Variants in KIT observed in about 807,000 individuals in gnomAD.
KIT encodes KIT proto-oncogene, receptor tyrosine kinase.
A neutral mutation model predicts 105.7 loss-of-function variants in KIT; 16 were observed. The observed-to-expected ratio is 0.15, with a 90% CI of 0.10 to 0.23. The LOEUF (loss-of-function observed/expected upper bound fraction) is 0.23, where lower values mean the gene tolerates loss of function less well. KIT is among the 10% of genes least tolerant of loss of function. The probability of loss-of-function intolerance (pLI) is 1.00; values close to 1 mark genes in which losing one functional copy is unlikely to be tolerated. For synonymous variants in KIT, 438 were observed against 441.1 expected (o/e 0.99, Z 0.09); for missense variants, 858 against 1,213.8 (o/e 0.71, Z 4.36).
intron 1 of KIT, among the ~76,000 whole-genome samples, chr4:54,665,028 A>G (rs1035334670): frequency 6.6e-6 from 1 of 152,040 alleles, no homozygotes; most frequent in South Asian, 2.1e-4. Context: ...TTCTATACCC[A>G]TTGAAGAGCA....
intron 1 of KIT, among the ~76,000 whole-genome samples, chr4:54,666,811 G>A (rs1014163514): frequency 2.0e-5 from 3 of 152,162 alleles, no homozygotes; most frequent in Admixed American, 2.0e-4. Flanking sequence ...TCACTGCCTT[G>A]GCTGTGGGGC....
In KIT at chr4:54,739,451, A is replaced by G. The variant is rs1326360391; in HGVS notation, c.*894A>G. ...CTTTTAGCTGATGAACTTATTCTGT[A>G]GATTCTGTGGAACAAGCCTATCAGC... is the stretch of plus-strand genomic sequence containing the variant. On this transcript the variant is annotated 3_prime_UTR_variant, in exon 21 of 21. Transcript: ENST00000288135. 2 of 233,364 alleles carry G rather than the reference A, an allele frequency of 8.6e-6. No homozygotes were observed. Among genetic ancestry groups the G allele is most frequent in the African/African-American group, 4.4e-5 (2 of 45,348 alleles). 14.5% of individuals were successfully genotyped at this position (233,364 alleles called of 1,614,324 possible).
intron 1 of KIT, among the ~76,000 whole-genome samples, chr4:54,675,809 T>C (rs887671224): frequency 1.3e-5 from 2 of 152,128 alleles, no homozygotes; most frequent in African/African-American, 4.8e-5. Context: ...ACTGGATTAG[T>C]ATGGGCTGTG....
In KIT at chr4:54,727,454, G is replaced by C. The variant is rs1553891764; in HGVS notation, c.1686G>C (p.Glu562Asp). ...MYEVQWKVVEEINGNNYVYID... is the reference protein window; with the variant it reads ...MYEVQWKVVEDINGNNYVYID... Reference sequence around the variant, plus strand: ...AAGTACAGTGGAAGGTTGTTGAGGAGATAAATGGAAACAATTATGTTTACA... The same window carrying C: ...AAGTACAGTGGAAGGTTGTTGAGGACATAAATGGAAACAATTATGTTTACA... Residue 562 changes from glutamate (E) to aspartate (D), a missense_variant, in exon 11 of 21, where the codon GAG (glutamate) becomes GAC (aspartate). Physicochemically the swap from Glu to Asp is conservative, Grantham distance 45. This residue lies in a region of KIT where 78 missense variants were observed against 77.6 expected (regional missense o/e 1.01). Coordinates refer to ENST00000288135, the MANE Select transcript of KIT (RefSeq NM_000222.3). 7 of 1,614,108 alleles carry C rather than the reference G, an allele frequency of 4.3e-6. No homozygotes were observed. The highest frequency in any genetic ancestry group is 5.9e-6 in the Non-Finnish European group (7 of 1,179,988).
intron 17 of KIT, among the ~76,000 whole-genome samples, chr4:54,734,644 T>C (rs1333890936): frequency 6.6e-6 from 1 of 152,146 alleles, no homozygotes; most frequent in Non-Finnish European, 1.5e-5. Context: ...GGAGAATTTC[T>C]GGAACAAGAT....
intron 7 of KIT, among the ~76,000 whole-genome samples, chr4:54,712,217 A>C (rs1203157097): frequency 3.3e-5 from 5 of 152,246 alleles, no homozygotes; most frequent in Non-Finnish European, 7.3e-5. Flanking sequence ...AATTACTGGA[A>C]AAGTGAAATG....
intron 17 of KIT, among the ~76,000 whole-genome samples, chr4:54,735,650 T>C (rs577478647): frequency 6.6e-6 from 1 of 152,336 alleles, no homozygotes; most frequent in South Asian, 2.1e-4. Context: ...TTTTATCTTA[T>C]TTAACCCACA....
In KIT at chr4:54,715,542, AAG is replaced by A. The variant is rs368092522; in HGVS notation, c.1231+6012_1231+6013del. 4.0e-3 allele frequency among the ~76,000 whole-genome samples: 601 copies of A among 152,102 alleles called. 5 individuals are homozygous for A. The highest frequency in any genetic ancestry group is 0.013 in the African/African-American group (547 of 41,486). ...GGCATCACATGGCAAGAGAGGAGGA[AAG>A]AGAGAGAGGAGAAGAAGGGTGCCAG... On this transcript the variant is annotated intron_variant, in intron 7 of 20. Coordinates refer to ENST00000288135, the MANE Select transcript of KIT (RefSeq NM_000222.3).
In KIT at chr4:54,686,885, T is replaced by A. The variant is rs116305554; in HGVS notation, c.68-8627T>A. On this transcript the variant is annotated intron_variant, in intron 1 of 20. Coordinates refer to ENST00000288135, the MANE Select transcript of KIT (RefSeq NM_000222.3). ...TCATGAGTTCTGCCTAAATAATTGC[T>A]TTAATCTCTGTATTACTGGATTAAA... Among the ~76,000 whole-genome samples the A allele has an allele frequency of 2.0e-3, 306 of 152,326 alleles. 1 individual carries two copies. The highest frequency in any genetic ancestry group is 6.8e-3 in the Middle Eastern group (2 of 294).
rs1382394457 is a variant in KIT at position 54,738,321 on chromosome 4, C to CT, written c.2803-106dup. The CT allele has an allele frequency of 5.9e-6, 8 of 1,359,664 alleles. No homozygotes were observed. The African/African-American group carries it at 8.6e-5, about 15-fold the overall frequency. The allele number at this position is 1,359,664 out of a possible 1,614,324, so 84.2% of individuals were successfully genotyped here. On this transcript the variant is annotated intron_variant, in intron 20 of 20. Coordinates refer to ENST00000288135, the MANE Select transcript of KIT (RefSeq NM_000222.3). Reference sequence around the variant, plus strand: ...CAAAGTTCTTGGAAACCACTTCTCTCTTAAGAGTTTCCATCAGTTAGTTGT... The same window carrying CT: ...CAAAGTTCTTGGAAACCACTTCTCTCTTTAAGAGTTTCCATCAGTTAGTTGT...
intron 1 of KIT, among the ~76,000 whole-genome samples, chr4:54,672,406 C>T (rs79567652): frequency 0.037 from 5,643 of 151,764 alleles, 372 homozygotes; most frequent in African/African-American, 0.13. Context: ...ATATTTTTTG[C>T]TAGATTTGTA....
At chr4:54,730,661 A>G (rs1273633388) in intron 14 of KIT, among the ~76,000 whole-genome samples, 2 of 152,076 alleles carry the variant, frequency 1.3e-5, no homozygotes, top group African/African-American at 2.4e-5. Context: ...AAATTGTTCA[A>G]TCCTGTGTGA....
chr4:54,729,454 A>G lies in KIT; in HGVS notation c.2110A>G (p.Lys704Glu), dbSNP rs1722448586. Residue 704 changes from lysine (K) to glutamate (E), a missense_variant, in exon 14 of 21, where the codon AAG (lysine) becomes GAG (glutamate). Transcript: ENST00000288135. ...QEDHAEAALY[K>E]NLLHSKESSC... ...AGATCATGCAGAAGCTGCACTTTAT[A>G]AGAATCTTCTGCATTCAAAGGAGTC... 6.2e-6 allele frequency: 10 copies of G among 1,613,636 alleles called. No individual in the cohort carries two copies. The highest frequency in any genetic ancestry group is 1.7e-5 in the Admixed American group (1 of 60,000).
rs769632130 is a variant in KIT at position 54,695,748 on chromosome 4, G to A, written c.304G>A (p.Gly102Ser). ...CAAATACACGTGCACCAACAAACACGGCTTAAGCAATTCCATTTATGTGTT... is the reference window on the plus strand; with the variant it reads ...CAAATACACGTGCACCAACAAACACAGCTTAAGCAATTCCATTTATGTGTT... ...TGKYTCTNKH[G>S]LSNSIYVFVR... is the part of the protein sequence containing the mutation. Residue 102 changes from glycine to serine, a missense_variant, in exon 2 of 21, where the codon GGC becomes AGC. By Grantham distance (56) the Gly-to-Ser change is moderately conservative. Coordinates refer to ENST00000288135, the MANE Select transcript of KIT (RefSeq NM_000222.3). The A allele has an allele frequency of 3.7e-6, 6 of 1,614,176 alleles. No individual in the cohort carries two copies. The highest frequency in any genetic ancestry group is 3.3e-5 in the Admixed American group (2 of 60,022).
chr4:54,658,064 T>A lies in KIT; in HGVS notation c.50T>A (p.Leu17Gln), dbSNP rs748615975. 6.2e-7 allele frequency: 1 copy of A among 1,613,898 alleles called. No individual in the cohort carries two copies. Among genetic ancestry groups the A allele is most frequent in the South Asian group, 1.1e-5 (1 of 91,088 alleles). The change falls in exon 1 of 21, where the codon CTG becomes CAG. Residue 17 changes from leucine (L) to glutamine (Q), a missense_variant. By Grantham distance (113) the Leu-to-Gln change is moderately radical. Coordinates refer to ENST00000288135, the MANE Select transcript of KIT (RefSeq NM_000222.3). ...GATTTTCTCTGCGTTCTGCTCCTACTGCTTCGCGTCCAGACAGGTGGGACA... is the reference window on the plus strand; with the variant it reads ...GATTTTCTCTGCGTTCTGCTCCTACAGCTTCGCGTCCAGACAGGTGGGACA... ...AWDFLCVLLLLLRVQTGSSQP... is the reference protein window; with the variant it reads ...AWDFLCVLLLQLRVQTGSSQP...
intron 1 of KIT, among the ~76,000 whole-genome samples, chr4:54,682,750 G>GT (rs139702771): frequency 0.056 from 7,434 of 133,820 alleles, 631 homozygotes; most frequent in African/African-American, 0.17. Flanking sequence ...TGTCTTGACC[G>GT]TTTTTTTTTT....
chr4:54,680,277 C>T (rs1157932257), intron 1 of KIT, among the ~76,000 whole-genome samples: 1 of 150,932 alleles, frequency 6.6e-6, no homozygotes, highest in Non-Finnish European at 1.5e-5. Flanking sequence ...GTTAATCAGC[C>T]TCTCACTTAT....
At chr4:54,670,787 C>T (rs1021740176) in intron 1 of KIT, among the ~76,000 whole-genome samples, 18 of 152,180 alleles carry the variant, frequency 1.2e-4, no homozygotes, top group African/African-American at 4.3e-4. Context: ...CCCGAGGGGT[C>T]CTGCCCCATC....
chr4:54,690,339 C>G lies in KIT; in HGVS notation c.68-5173C>G, dbSNP rs573166623. Among the ~76,000 whole-genome samples the G allele has an allele frequency of 2.3e-4, 35 of 152,324 alleles. No homozygotes were observed. The Middle Eastern group carries it at 0.014, about 59-fold the overall frequency. On this transcript the variant is annotated intron_variant, in intron 1 of 20. Coordinates refer to ENST00000288135, the MANE Select transcript of KIT (RefSeq NM_000222.3). ...AGGCATTTCTTTTATTTTGAGCTAT[C>G]ACTGAAATCTTGCATTGTTGACTCT... is the stretch of plus-strand genomic sequence containing the variant.
Sources: allele counts gnomAD v4.1 joint callset (sites outside exome capture counted in the v4.1 genomes callset), GRCh38; gene constraint gnomAD v4.1.1; regional missense constraint gnomAD v4.1.1; transcripts MANE v1.5; gene names NCBI Gene and HGNC (gene_info 2026-07-23, HGNC 2026-07-21).